Variants in DLG2 observed in about 807,000 individuals in gnomAD.
DLG2 encodes disks large homolog 2.
In DLG2, 45 loss-of-function variants were observed where a neutral mutation model predicts 132.5. The observed-to-expected ratio is 0.34, with a 90% confidence interval of 0.27 to 0.44. DLG2 has a LOEUF of 0.44. Ranked by LOEUF, DLG2 falls within the 20% of genes least tolerant of loss-of-function variation. The pLI is 1.00. For missense variants in DLG2, 1,045 were observed against 1,196.9 expected (o/e 0.87, Z 1.87); for synonymous variants, 424 against 419.6 (o/e 1.01, Z -0.13).
At chr11:84,541,686 G>A (rs1321669878) in intron 6 of DLG2, among the ~76,000 whole-genome samples, 2 of 152,116 alleles carry the variant, frequency 1.3e-5, no homozygotes, top group African/African-American at 4.8e-5. Context: ...AAAGAGATCA[G>A]TAAATGTAAG....
rs1376353804 is a variant in DLG2 at position 85,500,564 on chromosome 11, AT to A, written c.40+98092del. Among the ~76,000 whole-genome samples, 1,083 of 110,860 alleles carry A rather than the reference AT, an allele frequency of 9.8e-3. 7 individuals carry two copies. Among genetic ancestry groups the A allele is most frequent in the Non-Finnish European group, 0.014 (746 of 53,008 alleles). The allele number at this position is 110,860 out of a possible 152,430, so 72.7% of individuals were successfully genotyped here. A position where few individuals can be genotyped will look rare whatever the true frequency, so the allele number is the denominator to read the frequency against. ...AATAAAAAAAATAAAAATAAAATAA[AT>A]AAATAAATAAATAAAGTTACAAAAT... On this transcript the variant is annotated intron_variant, in intron 3 of 27. Transcript: ENST00000376104.
chr11:83,622,700 G>A (rs2061818715), intron 19 of DLG2, among the ~76,000 whole-genome samples: 1 of 152,122 alleles, frequency 6.6e-6, no homozygotes, highest in Non-Finnish European at 1.5e-5. Context: ...TAATTTCCAT[G>A]TAATCATGTA....
At chr11:84,540,253 C>T (rs2099364945) in intron 6 of DLG2, among the ~76,000 whole-genome samples, 2 of 151,404 alleles carry the variant, frequency 1.3e-5, no homozygotes, top group East Asian at 2.0e-4. Flanking sequence ...AGTGAACAGG[C>T]AACCTACAGA....
intron 6 of DLG2, among the ~76,000 whole-genome samples, chr11:84,559,678 C>T (rs572214165): frequency 2.0e-5 from 3 of 152,242 alleles, no homozygotes; most frequent in African/African-American, 4.8e-5. Context: ...AGGCATTAGG[C>T]ACCATATGCT....
At chr11:84,131,892 G>A (rs1215922873) in intron 9 of DLG2, among the ~76,000 whole-genome samples, 1 of 151,136 alleles carries the variant, frequency 6.6e-6, no homozygotes, top group Non-Finnish European at 1.5e-5. Flanking sequence ...TATCATGTAT[G>A]ACATTATGTT....
At chr11:83,640,645 TCA>T (rs777772720) in intron 18 of DLG2, among the ~76,000 whole-genome samples, 8 of 152,222 alleles carry the variant, frequency 5.3e-5, no homozygotes, top group Non-Finnish European at 1.2e-4. Flanking sequence ...CTCAAGAGGC[TCA>T]CAGGATAGTG....
At chr11:85,260,806 G>A (rs994758117) in intron 4 of DLG2, among the ~76,000 whole-genome samples, 5 of 152,122 alleles carry the variant, frequency 3.3e-5, no homozygotes, top group African/African-American at 1.2e-4. Context: ...GAGAAGAGCA[G>A]AACAATCACT....
intron 6 of DLG2, among the ~76,000 whole-genome samples, chr11:84,675,983 T>C (rs536707239): frequency 6.5e-4 from 99 of 152,118 alleles, no homozygotes; most frequent in African/African-American, 2.2e-3. Flanking sequence ...TCTATCCAGA[T>C]AGAGTAATAG....
Position 84,159,329 on chromosome 11 carries a change from GA to G in DLG2, c.624+4131del, listed in dbSNP as rs547177500. 1.2e-4 allele frequency among the ~76,000 whole-genome samples: 19 copies of G among 152,174 alleles called. No homozygotes were observed. The East Asian group carries it at 3.7e-3, about 29-fold the overall frequency. On this transcript the variant is annotated intron_variant, in intron 9 of 27. Transcript: ENST00000376104. ...GTGCAATTAAGTAATAATAAAATGG[GA>G]AAAAAGAATGATGGAAATGCTACTA...
chr11:83,950,023 T>C (rs1254167668), intron 14 of DLG2, among the ~76,000 whole-genome samples: 2 of 152,188 alleles, frequency 1.3e-5, no homozygotes, highest in Non-Finnish European at 2.9e-5. Context: ...ACATTTTATA[T>C]AATGTTTTAT....
intron 6 of DLG2, among the ~76,000 whole-genome samples, chr11:84,796,420 T>G (rs1294774611): frequency 3.3e-5 from 5 of 152,236 alleles, no homozygotes; most frequent in African/African-American, 1.2e-4. Context: ...AAGATATTAG[T>G]AGTTTGCATG....
intron 6 of DLG2, among the ~76,000 whole-genome samples, chr11:84,976,596 G>C (rs865896251): frequency 2.6e-5 from 4 of 152,018 alleles, no homozygotes; most frequent in Admixed American, 1.3e-4. Flanking sequence ...CCAAAGTCAA[G>C]GGTTTCTAGA....
chr11:84,311,770 C>A (rs1303551708), intron 7 of DLG2, among the ~76,000 whole-genome samples: 1 of 152,196 alleles, frequency 6.6e-6, no homozygotes, highest in Non-Finnish European at 1.5e-5. Context: ...ACCCTCCTCT[C>A]CAGGCATCTC....
chr11:84,370,032 A>C (rs185518953), intron 7 of DLG2, among the ~76,000 whole-genome samples: 26 of 152,288 alleles, frequency 1.7e-4, no homozygotes, highest in Admixed American at 1.1e-3. Context: ...CAACATAAAT[A>C]ATTATAATGC....
At chr11:83,920,556 A>T (rs2625522) in intron 15 of DLG2, among the ~76,000 whole-genome samples, 121,701 of 152,044 alleles carry the variant, frequency 0.8, 48,786 homozygotes, top group East Asian at 0.91. Context: ...TTGAAAAAAA[A>T]TCATTCTCAC....
chr11:83,749,337 A>T (rs10501547), intron 18 of DLG2, among the ~76,000 whole-genome samples: 8,588 of 152,274 alleles, frequency 0.056, 827 homozygotes, highest in African/African-American at 0.19. Context: ...AGCTAAAGTG[A>T]TAATTTCCTT....
chr11:83,752,980 G>C (rs895616181), intron 18 of DLG2, among the ~76,000 whole-genome samples: 13 of 152,154 alleles, frequency 8.5e-5, no homozygotes, highest in African/African-American at 3.1e-4. Context: ...AAAGTTTAAG[G>C]TAAGAGGAGA....
At chr11:83,901,503 G>A (rs1315213237) in intron 15 of DLG2, among the ~76,000 whole-genome samples, 1 of 152,124 alleles carries the variant, frequency 6.6e-6, no homozygotes, top group African/African-American at 2.4e-5. Context: ...CACGAGATCC[G>A]ATGGTTTTAA....
At chr11:85,434,368 A>C (rs995893348) in intron 3 of DLG2, among the ~76,000 whole-genome samples, 4 of 152,056 alleles carry the variant, frequency 2.6e-5, no homozygotes, top group African/African-American at 7.2e-5. Flanking sequence ...CCTTCAAAAA[A>C]TCAATGAATC....
Sources: allele counts gnomAD v4.1 joint callset (sites outside exome capture counted in the v4.1 genomes callset), GRCh38; gene constraint gnomAD v4.1.1; transcripts MANE v1.5; gene names NCBI Gene and HGNC (gene_info 2026-07-23, HGNC 2026-07-21).